The following DYNC2I1 variants were observed in gnomAD, a reference collection of about 807,000 sequenced individuals.
DYNC2I1 encodes dynein 2 intermediate chain 1.
In DYNC2I1, 89 loss-of-function variants were observed where a neutral mutation model predicts 133.4. The ratio of observed to expected loss-of-function variants is 0.67; its 90% CI spans 0.56 to 0.80. DYNC2I1 has a LOEUF of 0.80. Among genes scored for constraint, DYNC2I1 ranks in the 30% least tolerant of loss-of-function variants. The pLI, the probability that DYNC2I1 is intolerant of heterozygous loss-of-function variation, is 0.00. For missense variants in DYNC2I1, 1,291 were observed against 1,314.5 expected, an observed-to-expected ratio of 0.98 and a Z score of 0.28; for synonymous variants, 504 against 484.3, an observed-to-expected ratio of 1.04 and a Z score of -0.54.
chr7:158,845,698 G>T, the DYNC2I1 span, among the ~76,000 whole-genome samples: 1 of 152,122 alleles, frequency 6.6e-6, no homozygotes, highest in African/African-American at 2.4e-5. Flanking sequence ...ATGGTTGACA[G>T]GGAAATAACT....
intron 6 of DYNC2I1, among the ~76,000 whole-genome samples, chr7:158,886,133 T>C (rs1266756458): frequency 6.6e-6 from 1 of 151,780 alleles, no homozygotes; most frequent in African/African-American, 2.4e-5. Flanking sequence ...TCTACAACTC[T>C]TTTTATTTTT....
chr7:158,889,143 C>T (rs1275876925), intron 7 of DYNC2I1, among the ~76,000 whole-genome samples: 3 of 148,090 alleles, frequency 2.0e-5, no homozygotes, highest in Non-Finnish European at 3.0e-5. Context: ...CGCAGTGGCG[C>T]GATCTTGGCT....
chr7:158,924,378 G>A (rs1204249239), intron 17 of DYNC2I1, among the ~76,000 whole-genome samples: 1 of 152,266 alleles, frequency 6.6e-6, no homozygotes, highest in African/African-American at 2.4e-5. Flanking sequence ...AGGGGTTGGG[G>A]CGCTGTGGAC....
At chr7:158,893,293 T>C (rs918021259) in intron 8 of DYNC2I1, among the ~76,000 whole-genome samples, 2 of 152,138 alleles carry the variant, frequency 1.3e-5, no homozygotes, top group African/African-American at 4.8e-5. Context: ...TCTGTATAGC[T>C]TTGCCCTTTC....
chr7:158,857,633 G>A (rs1361947443), intron 1 of DYNC2I1, among the ~76,000 whole-genome samples: 1 of 149,984 alleles, frequency 6.7e-6, no homozygotes, highest in African/African-American at 2.5e-5. Flanking sequence ...CGACTCCAGG[G>A]TTCAAGAGAT....
intron 19 of DYNC2I1, 148 bp downstream of exon 19, chr7:158,926,611 G>A (rs996318406): frequency 8.6e-5 from 75 of 873,108 alleles, no homozygotes; most frequent in Non-Finnish European, 1.2e-4. Context: ...TGAGCAGAAG[G>A]GATGCAGAAG....
intron 7 of DYNC2I1, among the ~76,000 whole-genome samples, chr7:158,888,484 TAC>T (rs902620066): frequency 5.3e-5 from 8 of 151,942 alleles, no homozygotes; most frequent in East Asian, 1.9e-4. Context: ...TATATATATA[TAC>T]GTTGAGATGG....
upstream of DYNC2I1, chr7:158,856,468 G>C (rs1001428899): frequency 1.1e-5 from 4 of 376,350 alleles, no homozygotes; most frequent in Non-Finnish European, 1.9e-5. Context: ...GCATTGGGAG[G>C]GGCCGCGGGC....
chr7:158,877,066 C>T (rs893165106), intron 4 of DYNC2I1, among the ~76,000 whole-genome samples: 13 of 152,206 alleles, frequency 8.5e-5, no homozygotes, highest in South Asian at 2.1e-4. Flanking sequence ...GTTGTTTAAA[C>T]GGAACACATT....
At chr7:158,878,174 CGAG>C (rs1374802465) in intron 4 of DYNC2I1, among the ~76,000 whole-genome samples, 1 of 107,520 alleles carries the variant, frequency 9.3e-6, no homozygotes, top group Admixed American at 9.9e-5. Context: ...TGTGGGGAGG[CGAG>C]GAGGGGAAGC....
At chr7:158,901,374 G>A (rs1368411218) in intron 8 of DYNC2I1, among the ~76,000 whole-genome samples, 1 of 152,190 alleles carries the variant, frequency 6.6e-6, no homozygotes, top group Non-Finnish European at 1.5e-5. Context: ...GCTCACTACA[G>A]CTACACTGTC....
rs370048361 is a variant in DYNC2I1 at position 158,911,606 on chromosome 7, C to T, written c.1517C>T (p.Ser506Phe). The change falls in exon 12 of 25, where the codon TCT becomes TTT. Residue 506 changes from serine (S) to phenylalanine (F), a missense_variant. Ser to Phe is a radical substitution (Grantham distance 155). Transcript: ENST00000407559. ...LIDLDFSFTF[S>F]LLDLPPVNEY... ...GACTTAGATTTTTCATTTACTTTCT[C>T]TCTCTTGGATCTACCACCAGTAAAT... is the stretch of plus-strand genomic sequence containing the variant. The T allele has an allele frequency of 1.9e-5, 30 of 1,613,488 alleles. No individual in the cohort carries two copies. Among genetic ancestry groups the T allele is most frequent in the Non-Finnish European group, 2.5e-5 (30 of 1,179,728 alleles).
At chr7:158,865,143 C>T (rs1475903729) in intron 1 of DYNC2I1, among the ~76,000 whole-genome samples, 1 of 152,212 alleles carries the variant, frequency 6.6e-6, no homozygotes, top group Non-Finnish European at 1.5e-5. Flanking sequence ...TGTGAGTGTC[C>T]TCCCTGAAGT....
At chr7:158,947,816 C>T (rs181050619), downstream of DYNC2I1, among the ~76,000 whole-genome samples, 15 of 152,368 alleles carry the variant, frequency 9.8e-5, no homozygotes, top group East Asian at 5.8e-4. Context: ...CCCCAGCTGC[C>T]GTGTCTGACG....
chr7:158,844,866 C>G, the DYNC2I1 span, among the ~76,000 whole-genome samples: 1 of 152,210 alleles, frequency 6.6e-6, no homozygotes, highest in African/African-American at 2.4e-5. Flanking sequence ...GGTGATCCAC[C>G]TGCCTCAGTC....
intron 1 of DYNC2I1, among the ~76,000 whole-genome samples, chr7:158,863,298 T>G (rs1842042018): frequency 6.6e-6 from 1 of 152,006 alleles, no homozygotes; most frequent in Non-Finnish European, 1.5e-5. Context: ...TTTTACAGAG[T>G]GCTGATTGGT....
rs1847796637 is a variant in DYNC2I1, at chr7:158,914,336, T to C, written c.1791+15T>C. The C allele has an allele frequency of 1.9e-6, 3 of 1,600,712 alleles. No individual in the cohort carries two copies. The highest frequency in any genetic ancestry group is 2.6e-6 in the Non-Finnish European group (3 of 1,172,274). ...CTGCTTGTCAGGTATACTCAACCTATATATGTTGTGTTCTCTGTGTAAGTG... is the reference window on the plus strand; with the variant it reads ...CTGCTTGTCAGGTATACTCAACCTACATATGTTGTGTTCTCTGTGTAAGTG... On this transcript the variant is annotated intron_variant, in intron 14 of 24. Transcript: ENST00000407559.
At chr7:158,904,895 A>G (rs781120844) in intron 10 of DYNC2I1, 11 of 270,224 alleles carry the variant, frequency 4.1e-5, no homozygotes, top group Admixed American at 1.0e-4. Context: ...CAGATGAGAT[A>G]ATGTGTGGGA....
the DYNC2I1 span, among the ~76,000 whole-genome samples, chr7:158,848,585 G>A: frequency 0.016 from 2,458 of 152,308 alleles, 68 homozygotes; most frequent in African/African-American, 0.056. Flanking sequence ...AAAATAAAAT[G>A]AAAACTGATG....
Sources: allele counts gnomAD v4.1 joint callset (sites outside exome capture counted in the v4.1 genomes callset), GRCh38; gene constraint gnomAD v4.1.1; transcripts MANE v1.5; gene names NCBI Gene and HGNC (gene_info 2026-07-23, HGNC 2026-07-21).